The following EHBP1 variants were observed in gnomAD, a reference collection of about 807,000 sequenced individuals.
The protein encoded by EHBP1 is EH domain-binding protein 1.
EHBP1 carries 55 observed loss-of-function variants against 144.0 expected under a neutral mutation model. The observed-to-expected ratio is 0.38, with a 90% CI of 0.31 to 0.48. The LOEUF (loss-of-function observed/expected upper bound fraction) is 0.48. EHBP1 is among the 20% of genes least tolerant of loss of function. EHBP1 has a pLI of 0.98. For synonymous variants in EHBP1, 469 were observed against 472.7 expected (o/e 0.99, Z 0.10); for missense variants, 1,200 against 1,364.2 (o/e 0.88, Z 1.90).
At chr2:62,705,599 A>G (rs927808991), upstream of EHBP1, 3 of 151,830 alleles carry the variant, frequency 2.0e-5, no homozygotes, top group Non-Finnish European at 2.9e-5. Flanking sequence ...AGGCAGTTCT[A>G]CCAATGAGGT....
At chr2:62,682,298 T>G (rs2033559332) in intron 1 of EHBP1, among the ~76,000 whole-genome samples, 1 of 152,246 alleles carries the variant, frequency 6.6e-6, no homozygotes, top group Admixed American at 6.5e-5. Flanking sequence ...ATCGGGGGTC[T>G]GTCTGTGTGT....
In EHBP1 at chr2:62,996,787, G is replaced by A. The variant is rs763975095; in HGVS notation, c.3103+21G>A. The stretch of plus-strand genomic sequence containing the variant: ...CACAGGTACGGTGCCCAATTACACT[G>A]TAAACAGTTTTGGCAAATTGAGCGT... On this transcript the variant is annotated intron_variant, in intron 19 of 22. Coordinates refer to ENST00000431489, the MANE Select transcript of EHBP1 (RefSeq NM_001142616.3). 13 of 1,605,352 alleles carry A rather than the reference G, an allele frequency of 8.1e-6. No homozygotes were observed. The South Asian group carries it at 8.9e-5, about 11-fold the overall frequency.
chr2:62,830,037 A>C (rs1438649157), intron 6 of EHBP1, among the ~76,000 whole-genome samples: 1 of 151,158 alleles, frequency 6.6e-6, no homozygotes, highest in South Asian at 2.1e-4. Flanking sequence ...AGACACTTGC[A>C]CATGCAATGT....
intron 10 of EHBP1, among the ~76,000 whole-genome samples, chr2:62,927,991 G>C (rs1170059905): frequency 6.6e-6 from 1 of 152,078 alleles, no homozygotes; most frequent in African/African-American, 2.4e-5. Context: ...CTACACACTT[G>C]TAAATAAACA....
intron 10 of EHBP1, among the ~76,000 whole-genome samples, chr2:62,877,254 C>T (rs541427634): frequency 5.4e-4 from 82 of 152,234 alleles, no homozygotes; most frequent in African/African-American, 1.9e-3. Context: ...TCAGAAAACA[C>T]AAAGAAGGGC....
chr2:63,012,301 T>C lies in EHBP1; in HGVS notation c.3103+15535T>C, dbSNP rs2153234213. Among the ~76,000 whole-genome samples, 3 of 152,156 alleles carry C rather than the reference T, an allele frequency of 2.0e-5. 1 individual carries two copies. The highest frequency in any genetic ancestry group is 2.0e-4 in the Admixed American group (3 of 15,278). Reference sequence around the variant, plus strand: ...GTCATATAGAAATGATCCAATCTCTTACTGTTAAACTACCTTCACCAGATT... The same window carrying C: ...GTCATATAGAAATGATCCAATCTCTCACTGTTAAACTACCTTCACCAGATT... On this transcript the variant is annotated intron_variant, in intron 19 of 22. Transcript: ENST00000431489.
intron 10 of EHBP1, among the ~76,000 whole-genome samples, chr2:62,937,605 G>A (rs1216112015): frequency 6.6e-6 from 1 of 152,166 alleles, no homozygotes; most frequent in African/African-American, 2.4e-5. Flanking sequence ...GAGATTTCGT[G>A]TAAGAGATGA....
chr2:62,979,368 C>G (rs1226156727), intron 15 of EHBP1, 33 bp downstream of exon 15: 1 of 1,605,006 alleles, frequency 6.2e-7, no homozygotes, highest in Non-Finnish European at 8.5e-7. Flanking sequence ...ATTCTACAGA[C>G]AACCCAGAAA....
chr2:62,815,269 C>T (rs2152547097), intron 5 of EHBP1, among the ~76,000 whole-genome samples: 1 of 152,314 alleles, frequency 6.6e-6, no homozygotes, highest in South Asian at 2.1e-4. Context: ...AAGAAATAAA[C>T]TCACTGCATA....
chr2:62,855,101 C>A (rs2048948152), intron 7 of EHBP1, among the ~76,000 whole-genome samples: 1 of 152,198 alleles, frequency 6.6e-6, no homozygotes, highest in Non-Finnish European at 1.5e-5. Flanking sequence ...GGCTGCAGAC[C>A]CAGACATCCC....
chr2:62,885,891 A>G (rs1449118958), intron 10 of EHBP1, among the ~76,000 whole-genome samples: 1 of 152,132 alleles, frequency 6.6e-6, no homozygotes, highest in Non-Finnish European at 1.5e-5. Flanking sequence ...GAAAATGGAA[A>G]CCCTATCTGT....
At chr2:63,039,715 C>T (rs1257438782) in intron 21 of EHBP1, among the ~76,000 whole-genome samples, 1 of 152,058 alleles carries the variant, frequency 6.6e-6, no homozygotes, top group African/African-American at 2.4e-5. Flanking sequence ...CCAAGTGAAG[C>T]CTTATATTCT....
At position 62,955,632 on chromosome 2, in the gene EHBP1, C is replaced by A; in HGVS notation, c.2432C>A (p.Thr811Asn). The A allele has an allele frequency of 1.9e-6, 3 of 1,611,386 alleles. No individual in the cohort carries two copies. Among genetic ancestry groups the A allele is most frequent in the Non-Finnish European group, 2.5e-6 (3 of 1,178,576 alleles). Residue 811 changes from threonine to asparagine, a missense_variant, in exon 14 of 23, where the codon ACC becomes AAC. Physicochemically the swap from Thr to Asn is moderately conservative, Grantham distance 65. Around this residue, in one of 6 missense-constraint regions of EHBP1, gnomAD observed 543 missense variants for 513.1 expected, o/e 1.06. Coordinates refer to ENST00000431489, the MANE Select transcript of EHBP1 (RefSeq NM_001142616.3). The stretch of plus-strand genomic sequence containing the variant: ...AATAAGCACAATACCAACACAGCCA[C>A]CCCATTCTGCAACAGGCAGCTAAGT... ...AGNKHNTNTA[T>N]PFCNRQLSDQ...
intron 10 of EHBP1, among the ~76,000 whole-genome samples, chr2:62,931,118 A>G (rs1307073426): frequency 6.6e-6 from 1 of 152,254 alleles, no homozygotes; most frequent in Non-Finnish European, 1.5e-5. Context: ...TTTTAAAATA[A>G]CATATCTGTT....
At chr2:62,728,102 A>C (rs140000942) in intron 2 of EHBP1, among the ~76,000 whole-genome samples, 2 of 152,318 alleles carry the variant, frequency 1.3e-5, no homozygotes, top group Non-Finnish European at 2.9e-5. Context: ...ACAAGGCTAT[A>C]AGTTAATTGT....
chr2:62,823,945 G>A (rs191501425), intron 5 of EHBP1, among the ~76,000 whole-genome samples: 167 of 152,076 alleles, frequency 1.1e-3, no homozygotes, highest in African/African-American at 4.0e-3. Flanking sequence ...TCTTTGCATT[G>A]TTCCTAAGCA....
At chr2:62,728,854 T>C (rs979132480) in intron 2 of EHBP1, among the ~76,000 whole-genome samples, 2 of 152,084 alleles carry the variant, frequency 1.3e-5, no homozygotes, top group African/African-American at 4.8e-5. Context: ...GATTTACTAC[T>C]TCTATTTTTT....
chr2:62,820,310 GACTC>G (rs960438427), intron 5 of EHBP1, among the ~76,000 whole-genome samples: 2 of 147,226 alleles, frequency 1.4e-5, no homozygotes, highest in African/African-American at 5.0e-5. Context: ...AAAGTAAAAA[GACTC>G]ACAATACTGT....
chr2:62,925,942 T>C (rs192314171), intron 10 of EHBP1, among the ~76,000 whole-genome samples: 2 of 152,104 alleles, frequency 1.3e-5, no homozygotes, highest in African/African-American at 4.8e-5. Context: ...CTCAAATAGC[T>C]AAAGCAATCA....
Sources: allele counts gnomAD v4.1 joint callset (sites outside exome capture counted in the v4.1 genomes callset), GRCh38; gene constraint gnomAD v4.1.1; regional missense constraint gnomAD v4.1.1; transcripts MANE v1.5; gene names NCBI Gene and HGNC (gene_info 2026-07-23, HGNC 2026-07-21).